Variants in COMMD10 observed in about 807,000 individuals in gnomAD.
COMMD10 encodes the protein COMM domain containing 10.
COMMD10 carries 33 observed loss-of-function variants against 28.9 expected under a neutral mutation model. The observed-to-expected ratio is 1.14, with a 90% confidence interval of 0.87 to 1.53. The LOEUF is 1.53. COMMD10 is among the 40% of genes most tolerant of loss of function. The pLI is 0.00. For synonymous variants in COMMD10, 110 were observed against 81.7 expected (o/e 1.35, Z -1.87); for missense variants, 310 against 233.4 (o/e 1.33, Z -2.14).
At chr5:116,176,558 T>C (rs1250852081) in intron 5 of COMMD10, among the ~76,000 whole-genome samples, 1 of 152,192 alleles carries the variant, frequency 6.6e-6, no homozygotes, top group Non-Finnish European at 1.5e-5. Flanking sequence ...GTTCATGTTA[T>C]TAATGGTTAT....
intron 5 of COMMD10, among the ~76,000 whole-genome samples, chr5:116,240,200 T>C (rs1220803294): frequency 6.6e-6 from 1 of 150,450 alleles, no homozygotes; most frequent in African/African-American, 2.4e-5. Flanking sequence ...GACAGGTAGA[T>C]GATGAAAAAT....
intron 5 of COMMD10, among the ~76,000 whole-genome samples, chr5:116,273,378 A>G (rs1374477065): frequency 1.3e-5 from 2 of 151,882 alleles, no homozygotes; most frequent in Non-Finnish European, 2.9e-5. Flanking sequence ...GATGTTTGAT[A>G]GATGCTGTCA....
chr5:116,167,491 A>C (rs1753164894), intron 5 of COMMD10, among the ~76,000 whole-genome samples: 1 of 152,150 alleles, frequency 6.6e-6, no homozygotes. Flanking sequence ...GGAAATACAG[A>C]GAACACCACA....
At chr5:116,214,950 G>A (rs186127006) in intron 5 of COMMD10, among the ~76,000 whole-genome samples, 252 of 152,154 alleles carry the variant, frequency 1.7e-3, no homozygotes, top group African/African-American at 5.7e-3. Flanking sequence ...CACAAATTAT[G>A]GGGCTGGAGA....
At chr5:116,233,571 G>C (rs1457000689) in intron 5 of COMMD10, among the ~76,000 whole-genome samples, 2 of 152,088 alleles carry the variant, frequency 1.3e-5, no homozygotes, top group Non-Finnish European at 2.9e-5. Context: ...CTATGAAGGG[G>C]ACTGTAATTT....
At chr5:116,167,746 A>G (rs1198967938) in intron 5 of COMMD10, among the ~76,000 whole-genome samples, 3 of 152,306 alleles carry the variant, frequency 2.0e-5, no homozygotes, top group African/African-American at 4.8e-5. Flanking sequence ...TCCATAAGTG[A>G]AGGAGAAATA....
At chr5:116,123,414 G>A (rs1408484804) in intron 4 of COMMD10, among the ~76,000 whole-genome samples, 1 of 152,170 alleles carries the variant, frequency 6.6e-6, no homozygotes, top group Non-Finnish European at 1.5e-5. Context: ...TCCCAGGGAT[G>A]AAGCCGACTT....
intron 5 of COMMD10, among the ~76,000 whole-genome samples, chr5:116,167,697 A>G (rs1753178181): frequency 6.6e-6 from 1 of 152,138 alleles, no homozygotes; most frequent in East Asian, 1.9e-4. Flanking sequence ...TAAAGAAAAG[A>G]ATTTTCAACC....
At chr5:116,213,771 T>C (rs1376898929) in intron 5 of COMMD10, among the ~76,000 whole-genome samples, 19 of 152,120 alleles carry the variant, frequency 1.2e-4, no homozygotes, top group Admixed American at 1.2e-3. Context: ...AATACAGTGT[T>C]ATTTCTTCTT....
chr5:116,124,508 A>T (rs908285914), intron 4 of COMMD10, among the ~76,000 whole-genome samples: 2 of 152,136 alleles, frequency 1.3e-5, no homozygotes, highest in Non-Finnish European at 2.9e-5. Flanking sequence ...CAATTCTGGA[A>T]TAATTGCGAT....
chr5:116,280,217 G>A (rs994263395), intron 5 of COMMD10, among the ~76,000 whole-genome samples: 3 of 151,834 alleles, frequency 2.0e-5, no homozygotes, highest in Non-Finnish European at 4.4e-5. Flanking sequence ...TGCATACATA[G>A]GTGTACTTTT....
chr5:116,215,962 G>A (rs1375239892), intron 5 of COMMD10, among the ~76,000 whole-genome samples: 1 of 151,748 alleles, frequency 6.6e-6, no homozygotes, highest in South Asian at 2.1e-4. Context: ...TAATATAGAG[G>A]TCAAAATAGA....
In COMMD10 at chr5:116,096,194, T is replaced by C. The variant is rs189377575; in HGVS notation, c.399+3494T>C. ...TGTGTTTAATTTGTAAATAACTTTA[T>C]TGAGAAATGACTCCTTAATAAGTAT... On this transcript the variant is annotated intron_variant, in intron 4 of 6. Transcript: ENST00000274458. Among the ~76,000 whole-genome samples the C allele has an allele frequency of 1.7e-3, 265 of 152,178 alleles. 1 individual carries two copies. The highest frequency in any genetic ancestry group is 6.0e-3 in the African/African-American group (249 of 41,576).
intron 3 of COMMD10, 70 bp downstream of exon 3, chr5:116,091,259 TGAC>T (rs1750291050): frequency 5.7e-6 from 4 of 701,472 alleles, no homozygotes; most frequent in Non-Finnish European, 9.1e-6. Context: ...ATGATATCTA[TGAC>T]ATTCTGTTTT....
chr5:116,218,346 A>C, intron 5 of COMMD10: 2 of 644,798 alleles, frequency 3.1e-6, no homozygotes, highest in African/African-American at 1.8e-5. Context: ...TAGGATGCAG[A>C]GGCATGTGGG....
chr5:116,277,510 T>C (rs1054225945), intron 5 of COMMD10, among the ~76,000 whole-genome samples: 1 of 151,916 alleles, frequency 6.6e-6, no homozygotes, highest in African/African-American at 2.4e-5. Context: ...TGTACCTGCC[T>C]GTCTTTAGGA....
At position 116,123,093 on chromosome 5, in the gene COMMD10, G is replaced by A. The variant is rs578058826; in HGVS notation, c.400-10975G>A. Reference sequence around the variant, plus strand: ...GAATGCTTCTAGTTTTTGCCCATTTGATATGATATTGGCTGTGGGTTTGTC... The same window carrying A: ...GAATGCTTCTAGTTTTTGCCCATTTAATATGATATTGGCTGTGGGTTTGTC... On this transcript the variant is annotated intron_variant, in intron 4 of 6. Transcript: ENST00000274458. 4.2e-3 allele frequency among the ~76,000 whole-genome samples: 639 copies of A among 151,514 alleles called. 4 individuals carry two copies. The highest frequency in any genetic ancestry group is 0.014 in the African/African-American group (598 of 41,440).
intron 4 of COMMD10, among the ~76,000 whole-genome samples, chr5:116,107,815 G>T (rs1215667177): frequency 6.6e-6 from 1 of 152,114 alleles, no homozygotes; most frequent in Non-Finnish European, 1.5e-5. Flanking sequence ...TATCTTTGTG[G>T]ATTTATCTAC....
intron 5 of COMMD10, among the ~76,000 whole-genome samples, chr5:116,257,433 C>T (rs958311252): frequency 5.9e-5 from 9 of 151,352 alleles, no homozygotes; most frequent in African/African-American, 1.7e-4. Context: ...AGATGTTCCA[C>T]GATAAAGAAA....
Sources: allele counts gnomAD v4.1 joint callset (sites outside exome capture counted in the v4.1 genomes callset), GRCh38; gene constraint gnomAD v4.1.1; transcripts MANE v1.5; gene names NCBI Gene and HGNC (gene_info 2026-07-23, HGNC 2026-07-21).